The following PEF1 variants were observed in gnomAD, a reference collection of about 807,000 sequenced individuals.
PEF1 encodes the protein penta-EF-hand domain containing 1.
Under a neutral mutation model 32.0 loss-of-function variants are expected in PEF1, and 17 were observed. That is an observed-to-expected ratio of 0.53 (90% confidence interval 0.36 to 0.80). The LOEUF (loss-of-function observed/expected upper bound fraction) is 0.80, where lower values mean the gene tolerates loss of function less well. PEF1 is among the 30% of genes least tolerant of loss of function. The pLI is 0.00. For missense variants in PEF1, 362 were observed against 369.1 expected (o/e 0.98, Z 0.16); for synonymous variants, 130 against 139.8 (o/e 0.93, Z 0.50).
chr1:31,644,742 G>A (rs1640506815), intron 1 of PEF1, 99 bp downstream of exon 1: 2 of 1,600,142 alleles, frequency 1.2e-6, no homozygotes, highest in Non-Finnish European at 8.5e-7. Context: ...AACCCATCGT[G>A]GGAAGGGCGC....
chr1:31,637,935 T>G (rs970798107), intron 1 of PEF1, among the ~76,000 whole-genome samples: 9 of 152,142 alleles, frequency 5.9e-5, no homozygotes, highest in Admixed American at 2.0e-4. Flanking sequence ...TTAATTACTG[T>G]TATCAGCAAA....
chr1:31,639,571 T>C (rs999405658), intron 1 of PEF1, among the ~76,000 whole-genome samples: 1 of 152,168 alleles, frequency 6.6e-6, no homozygotes, highest in African/African-American at 2.4e-5. Flanking sequence ...GATGAGAACC[T>C]TGTTTAGAGA....
chr1:31,636,493 CA>C (rs976029168), intron 1 of PEF1, among the ~76,000 whole-genome samples: 6 of 151,960 alleles, frequency 3.9e-5, no homozygotes, highest in African/African-American at 1.5e-4. Context: ...AACAAACAAA[CA>C]AAAAACAACC....
intron 1 of PEF1, among the ~76,000 whole-genome samples, chr1:31,637,693 GATAAA>G (rs1415466143): frequency 1.4e-5 from 2 of 145,604 alleles, no homozygotes; most frequent in Non-Finnish European, 3.0e-5. Flanking sequence ...AGAATCCTTT[GATAAA>G]ATAAATAAAA....
chr1:31,634,821 A>G (rs1640211235), intron 2 of PEF1: 2 of 459,626 alleles, frequency 4.4e-6, no homozygotes, highest in African/African-American at 4.0e-5. Context: ...CAAGTGGGCA[A>G]GACATACAGT....
At chr1:31,632,339 A>G (rs528437049) in intron 4 of PEF1, 156 bp downstream of exon 4, 1 of 1,324,196 alleles carries the variant, frequency 7.6e-7, no homozygotes, top group South Asian at 1.2e-5. Context: ...AGCTGGGTCA[A>G]AGAAGGGGTG....
rs567337600 is a variant in PEF1 at position 31,632,915 on chromosome 1, G to T, written c.481+244C>A. Among the ~76,000 whole-genome samples the T allele has an allele frequency of 2.6e-5, 4 of 152,324 alleles. No individual in the cohort carries two copies. The South Asian group carries it at 8.3e-4, about 32-fold the overall frequency. On this transcript the variant is annotated intron_variant, in intron 3 of 4. Coordinates refer to ENST00000373703, the MANE Select transcript of PEF1 (RefSeq NM_012392.4). ...CCTGCTGTTTCCTACAGGGGAGGGA[G>T]TACCATTCTACAGAAGAGGAAACTA...
At chr1:31,635,688 A>T (rs965924654) in intron 1 of PEF1, among the ~76,000 whole-genome samples, 166 bp from the exon 2 acceptor site, 5 of 152,136 alleles carry the variant, frequency 3.3e-5, no homozygotes, top group African/African-American at 1.2e-4. Flanking sequence ...AGGCTTCCAG[A>T]GGAGCAACGA....
intron 2 of PEF1, among the ~76,000 whole-genome samples, chr1:31,633,775 G>A (rs1484437520): frequency 6.6e-6 from 1 of 152,050 alleles, no homozygotes; most frequent in African/African-American, 2.4e-5. Flanking sequence ...GACCAACATG[G>A]AGAAACCCCG....
At chr1:31,642,959 C>T (rs1437205107) in intron 1 of PEF1, among the ~76,000 whole-genome samples, 3 of 152,238 alleles carry the variant, frequency 2.0e-5, no homozygotes, top group African/African-American at 7.2e-5. Flanking sequence ...TAACCTGTCA[C>T]TGCTTTTAGG....
chr1:31,642,939 C>T (rs1045092491), intron 1 of PEF1, among the ~76,000 whole-genome samples: 4 of 152,234 alleles, frequency 2.6e-5, no homozygotes, highest in Non-Finnish European at 5.9e-5. Flanking sequence ...AATTCTAGCA[C>T]AGTTCTCTCT....
At chr1:31,634,419 C>T (rs1335172096) in intron 2 of PEF1, among the ~76,000 whole-genome samples, 1 of 152,142 alleles carries the variant, frequency 6.6e-6, no homozygotes, top group Non-Finnish European at 1.5e-5. Flanking sequence ...CTAAAATGAA[C>T]CCATTTCCCC....
At chr1:31,638,881 TGTA>T (rs1230380732) in intron 1 of PEF1, among the ~76,000 whole-genome samples, 1 of 152,246 alleles carries the variant, frequency 6.6e-6, no homozygotes, top group Non-Finnish European at 1.5e-5. Context: ...TACTAGGCTC[TGTA>T]GTAGATCTGA....
At chr1:31,632,179 G>A in intron 4 of PEF1, 1 of 582,550 alleles carries the variant, frequency 1.7e-6, no homozygotes, top group South Asian at 2.0e-5. Context: ...AGTCACCCAA[G>A]CCACACACAC....
At chr1:31,642,006 T>G (rs969599692) in intron 1 of PEF1, among the ~76,000 whole-genome samples, 5 of 152,028 alleles carry the variant, frequency 3.3e-5, no homozygotes, top group Admixed American at 3.3e-4. Context: ...CTGAGGCAGG[T>G]GGATCACCTG....
At position 31,630,637 on chromosome 1, in the gene PEF1, G is replaced by T. The variant is rs1330841545; in HGVS notation, c.831C>A (p.Thr277=). 5 of 1,612,434 alleles carry T rather than the reference G, an allele frequency of 3.1e-6. No homozygotes were observed. Among genetic ancestry groups the T allele is most frequent in the Non-Finnish European group, 4.2e-6 (5 of 1,180,034 alleles). ...GTCATAGCATCCGAGAAGCTGTCAT[G>T]GTGACGAAGTCCTCGAAGCTGAGCC... ...NIRLSFEDFV[T]MTASRML Residue 277 remains threonine (T), a synonymous_variant, in exon 5 of 5, where the codon ACC becomes ACA. Coordinates refer to ENST00000373703, the MANE Select transcript of PEF1 (RefSeq NM_012392.4).
intron 1 of PEF1, among the ~76,000 whole-genome samples, chr1:31,641,175 G>A (rs1640382428): frequency 6.6e-6 from 1 of 152,038 alleles, no homozygotes. Context: ...CCAAACCCAT[G>A]CCTCCCTGTG....
At chr1:31,632,723 T>C (rs2148617151) in intron 3 of PEF1, 85 bp from the exon 4 acceptor site, 1 of 1,491,524 alleles carries the variant, frequency 6.7e-7, no homozygotes, top group East Asian at 2.3e-5. Context: ...AGGCAGCCCT[T>C]CTCTCCAGGC....
rs747743712 is a variant in PEF1 at position 31,644,876 on chromosome 1, C to T, written c.-12G>A. 10 of 1,613,410 alleles carry T rather than the reference C, an allele frequency of 6.2e-6. No homozygotes were observed. The African/African-American group carries it at 1.2e-4, about 19-fold the overall frequency. On this transcript the variant is annotated 5_prime_UTR_variant, in exon 1 of 5. Transcript: ENST00000373703. ...GGATAGCTGGCCATGGTGATTCTGA[C>T]GTCACACTCAGGCAAGGGGTGGGGC...
Sources: allele counts gnomAD v4.1 joint callset (sites outside exome capture counted in the v4.1 genomes callset), GRCh38; gene constraint gnomAD v4.1.1; transcripts MANE v1.5; gene names NCBI Gene and HGNC (gene_info 2026-07-23, HGNC 2026-07-21).